Variants in VPS13B observed in about 807,000 individuals in gnomAD.
VPS13B encodes the protein vacuolar protein sorting 13 homolog B, also known as intermembrane lipid transfer protein VPS13B.
A neutral mutation model predicts 426.4 loss-of-function variants in VPS13B; 285 were observed. The observed-to-expected ratio is 0.67, with a 90% CI of 0.61 to 0.74. VPS13B has a LOEUF of 0.74. Ranked by LOEUF, VPS13B falls within the 30% of genes least tolerant of loss-of-function variation. The pLI, the probability that VPS13B is intolerant of heterozygous loss-of-function variation, is 0.00. For missense variants in VPS13B, 4,537 were observed against 4,782.6 expected (o/e 0.95, Z 1.51); for synonymous variants, 1,676 against 1,676.4 (o/e 1.00, Z 0.01).
chr8:99,661,633 T>C, intron 35 of VPS13B, 142 bp downstream of exon 35: 1 of 1,026,780 alleles, frequency 9.7e-7, no homozygotes, highest in South Asian at 1.5e-5. Flanking sequence ...CTTTTCAGGC[T>C]GCCCATTTTA....
chr8:99,766,942 A>G lies in VPS13B; in HGVS notation c.7219A>G (p.Ser2407Gly), dbSNP rs1811256993. Reference sequence around the variant, plus strand: ...AGATCTTTGGAGAATTGTCTTGAACAGCAGTCAAAATGGAGCTGATGACCA... The same window carrying G: ...AGATCTTTGGAGAATTGTCTTGAACGGCAGTCAAAATGGAGCTGATGACCA... ...SSDLWRIVLN[S>G]SQNGADDQSS... Residue 2407 changes from serine to glycine, a missense_variant, in exon 40 of 62, where the codon AGC becomes GGC. Transcript: ENST00000357162. 3 of 1,614,012 alleles carry G rather than the reference A, an allele frequency of 1.9e-6. No individual in the cohort carries two copies. Among genetic ancestry groups the G allele is most frequent in the Non-Finnish European group, 2.5e-6 (3 of 1,179,956 alleles).
At chr8:99,464,100 T>C (rs550609986) in intron 23 of VPS13B, among the ~76,000 whole-genome samples, 1 of 152,320 alleles carries the variant, frequency 6.6e-6, no homozygotes, top group South Asian at 2.1e-4. Context: ...TCGAGTGTTA[T>C]ACTCACAATA....
chr8:99,391,528 A>G (rs768899769), intron 20 of VPS13B, 29 bp from the exon 21 acceptor site: 4 of 1,614,004 alleles, frequency 2.5e-6, no homozygotes, highest in East Asian at 2.2e-5. Flanking sequence ...ACTAAAAACT[A>G]AAAAGGTTTT....
rs1817410785 is a variant in VPS13B at position 99,871,463 on chromosome 8, T to G, written c.11511T>G (p.Ser3837=). Residue 3837 remains serine, a synonymous_variant, in exon 61 of 62, where the codon TCT becomes TCG. Transcript: ENST00000357162. ...HVKYVWKMLQ[S]LGRPEVHMAL... The stretch of plus-strand genomic sequence containing the variant: ...TTTTAAACAGGAAAATGCTTCAGTC[T>G]CTGGGCAGACCAGAAGTCCACATGG... 1 of 1,614,210 alleles carries G rather than the reference T, an allele frequency of 6.2e-7. No homozygotes were observed. The highest frequency in any genetic ancestry group is 8.5e-7 in the Non-Finnish European group (1 of 1,180,042).
chr8:99,262,046 T>C (rs564128020), intron 17 of VPS13B, among the ~76,000 whole-genome samples: 4 of 152,290 alleles, frequency 2.6e-5, no homozygotes, highest in African/African-American at 9.6e-5. Context: ...CTTTTGCTGG[T>C]GATTACAGCA....
intron 45 of VPS13B, among the ~76,000 whole-genome samples, chr8:99,818,100 C>T (rs549068754): frequency 2.0e-5 from 3 of 152,218 alleles, no homozygotes; most frequent in African/African-American, 7.2e-5. Context: ...GTGGTATCCT[C>T]CTCACTTAAG....
chr8:99,378,071 G>A (rs1360287882), intron 19 of VPS13B, among the ~76,000 whole-genome samples: 1 of 149,720 alleles, frequency 6.7e-6, no homozygotes, highest in Non-Finnish European at 1.5e-5. Context: ...AGGAGGCCAG[G>A]ACGTGTTTCA....
At chr8:99,617,190 C>A (rs1205532638) in intron 33 of VPS13B, among the ~76,000 whole-genome samples, 2 of 152,094 alleles carry the variant, frequency 1.3e-5, no homozygotes, top group African/African-American at 4.8e-5. Flanking sequence ...TCCTGTACCT[C>A]AAAAATAATT....
In VPS13B at chr8:99,066,987, G is replaced by A. The variant is rs185708481; in HGVS notation, c.291+28421G>A. Among the ~76,000 whole-genome samples the A allele has an allele frequency of 1.7e-3, 263 of 152,260 alleles. 3 individuals are homozygous for A. Among genetic ancestry groups the A allele is most frequent in the Admixed American group, 0.016 (238 of 15,290 alleles). ...AGAATGGCAATCATTAGAAAGTCAG[G>A]AAACAACAGATGCTGGAGAGGATGT... On this transcript the variant is annotated intron_variant, in intron 3 of 61. Transcript: ENST00000357162.
intron 29 of VPS13B, among the ~76,000 whole-genome samples, chr8:99,514,683 G>T (rs1290150112): frequency 2.6e-5 from 4 of 152,156 alleles, no homozygotes; most frequent in African/African-American, 4.8e-5. Context: ...TAATTAATCT[G>T]TTGGGCAGTT....
rs147251710 is a variant in VPS13B, at chr8:99,071,071, C to G, written c.292-25241C>G. The stretch of plus-strand genomic sequence containing the variant: ...TGTCTGAAAGGTCTCATATCTCTGT[C>G]TCTTCAGGATTGGTCATTGGTGCTT... On this transcript the variant is annotated intron_variant, in intron 3 of 61. Transcript: ENST00000357162. 8.7e-3 allele frequency among the ~76,000 whole-genome samples: 1,318 copies of G among 152,206 alleles called. 15 individuals are homozygous for G. Among genetic ancestry groups the G allele is most frequent in the Admixed American group, 0.016 (237 of 15,284 alleles).
chr8:99,585,858 A>G (rs185666629), intron 33 of VPS13B, among the ~76,000 whole-genome samples: 3 of 152,314 alleles, frequency 2.0e-5, no homozygotes, highest in East Asian at 1.9e-4. Context: ...TATGCTTCCA[A>G]TCCCTTACTA....
At chr8:99,423,745 T>TTATA (rs1816515431) in intron 21 of VPS13B, among the ~76,000 whole-genome samples, 6 of 152,144 alleles carry the variant, frequency 3.9e-5, no homozygotes, top group Admixed American at 1.3e-4. Context: ...GAAAAGTATG[T>TTATA]CTGGTTTGAT....
At chr8:99,377,238 C>A (rs1813537219) in intron 19 of VPS13B, among the ~76,000 whole-genome samples, 1 of 152,108 alleles carries the variant, frequency 6.6e-6, no homozygotes, top group Non-Finnish European at 1.5e-5. Flanking sequence ...CTGTAAAATA[C>A]TCAGCCATTA....
chr8:99,466,052 G>A (rs1415410504), intron 23 of VPS13B, among the ~76,000 whole-genome samples: 2 of 151,990 alleles, frequency 1.3e-5, no homozygotes. Context: ...AATATTTGTA[G>A]TATGATCTAC....
chr8:99,375,159 A>T (rs1813414799), intron 19 of VPS13B, among the ~76,000 whole-genome samples: 1 of 152,178 alleles, frequency 6.6e-6, no homozygotes. Flanking sequence ...TAGAGTTCTC[A>T]GTGATTCTAA....
intron 20 of VPS13B, among the ~76,000 whole-genome samples, chr8:99,390,093 A>G (rs1402988167): frequency 6.6e-6 from 1 of 151,028 alleles, no homozygotes; most frequent in Non-Finnish European, 1.5e-5. Flanking sequence ...ATCTTTTCTC[A>G]TTTTAAATTT....
intron 36 of VPS13B, among the ~76,000 whole-genome samples, chr8:99,707,156 A>G (rs1027161671): frequency 6.6e-6 from 1 of 152,182 alleles, no homozygotes; most frequent in African/African-American, 2.4e-5. Flanking sequence ...ATTACTAAGA[A>G]CTAATAGCAG....
intron 11 of VPS13B, 71 bp downstream of exon 11, chr8:99,135,804 T>C: frequency 6.3e-7 from 1 of 1,589,874 alleles, no homozygotes; most frequent in Non-Finnish European, 8.6e-7. Context: ...ATACTTGTGA[T>C]TTCTAGCTTT....
Sources: allele counts gnomAD v4.1 joint callset (sites outside exome capture counted in the v4.1 genomes callset), GRCh38; gene constraint gnomAD v4.1.1; transcripts MANE v1.5; gene names NCBI Gene and HGNC (gene_info 2026-07-23, HGNC 2026-07-21).